The following CD82 variants were observed in gnomAD, a reference collection of about 807,000 sequenced individuals.
CD82 encodes CD82 molecule.
Under a neutral mutation model 37.4 loss-of-function variants are expected in CD82, and 36 were observed. That is an observed-to-expected ratio of 0.96 (90% CI 0.74 to 1.27). The LOEUF is 1.27. Ranked by LOEUF, CD82 falls within the 50% of genes most tolerant of loss-of-function variation. The probability of loss-of-function intolerance (pLI) is 0.00; values close to 1 mark genes in which losing one functional copy is unlikely to be tolerated. For missense variants in CD82, 340 were observed against 347.0 expected (o/e 0.98, Z 0.16); for synonymous variants, 158 against 137.4 (o/e 1.15, Z -1.05).
chr11:44,582,226 C>T (rs768243008), intron 1 of CD82, among the ~76,000 whole-genome samples: 1 of 152,166 alleles, frequency 6.6e-6, no homozygotes, highest in African/African-American at 2.4e-5. Flanking sequence ...AGTGAAGCAA[C>T]ACTCCCATTG....
rs573677852 is a variant in CD82 at position 44,593,290 on chromosome 11, T to C, written c.-20-1353T>C. Among the ~76,000 whole-genome samples the C allele has an allele frequency of 1.4e-4, 22 of 152,378 alleles. No homozygotes were observed. In the South Asian group the frequency reaches 1.7e-3, roughly 11 times the overall value. ...CCGGCTTTCCTTTCCCTTTGCTCTG[T>C]GGCCTGCCCTTCCCCCTCCATAAGG... On this transcript the variant is annotated intron_variant, in intron 2 of 9. Coordinates refer to ENST00000227155, the MANE Select transcript of CD82 (RefSeq NM_002231.4).
chr11:44,588,699 A>G (rs1055366248), intron 2 of CD82, among the ~76,000 whole-genome samples: 2 of 152,034 alleles, frequency 1.3e-5, no homozygotes, highest in Admixed American at 6.6e-5. Flanking sequence ...CACTGGAAGG[A>G]AGGAGAGAGG....
intron 1 of CD82, among the ~76,000 whole-genome samples, chr11:44,570,056 G>A (rs1852792534): frequency 6.6e-6 from 1 of 152,226 alleles, no homozygotes; most frequent in Admixed American, 6.5e-5. Context: ...CAGGCCCCCA[G>A]GGACACTCCC....
chr11:44,595,908 CAAAAAAAAAA>C (rs71449886), intron 3 of CD82, among the ~76,000 whole-genome samples: 3 of 69,686 alleles, frequency 4.3e-5, no homozygotes, highest in Non-Finnish European at 8.1e-5. Flanking sequence ...TGTTTCTCTA[CAAAAAAAAAA>C]AAAAAAAAAA....
At chr11:44,591,316 T>A (rs1490954635) in intron 2 of CD82, among the ~76,000 whole-genome samples, 1 of 152,190 alleles carries the variant, frequency 6.6e-6, no homozygotes, top group Non-Finnish European at 1.5e-5. Context: ...TCTGTGCCTC[T>A]GTTTGCATGT....
chr11:44,564,603 AAT>A, upstream of CD82: 2 of 415,478 alleles, frequency 4.8e-6, no homozygotes, highest in South Asian at 3.3e-5. Context: ...AGCCCACCTC[AAT>A]TTTGGGCCAC....
At chr11:44,609,306 T>A (rs1392138117) in intron 6 of CD82, among the ~76,000 whole-genome samples, 2 of 151,770 alleles carry the variant, frequency 1.3e-5, no homozygotes, top group East Asian at 1.9e-4. Context: ...CTCTAGAGAG[T>A]GGAGGTGGGA....
chr11:44,596,175 G>A (rs1285329787), intron 3 of CD82, among the ~76,000 whole-genome samples: 5 of 152,206 alleles, frequency 3.3e-5, no homozygotes, highest in Admixed American at 2.0e-4. Flanking sequence ...ACCCCAGGCC[G>A]GGCTTGGGCT....
At chr11:44,599,658 G>A (rs1853278010) in intron 3 of CD82, among the ~76,000 whole-genome samples, 1 of 152,258 alleles carries the variant, frequency 6.6e-6, no homozygotes, top group African/African-American at 2.4e-5. Context: ...AGTGGTTGCT[G>A]CAGAATGGGG....
rs1853201123 is a variant in CD82 at position 44,594,982 on chromosome 11, G to A, written c.63+257G>A. 6 of 529,866 alleles carry A rather than the reference G, an allele frequency of 1.1e-5. 1 individual carries two copies. The South Asian group carries it at 1.2e-4, about 11-fold the overall frequency. The allele number at this position is 529,866 out of a possible 1,614,324, so 32.8% of individuals were successfully genotyped here. A position where few individuals can be genotyped will look rare whatever the true frequency, so the allele number is the denominator to read the frequency against. On this transcript the variant is annotated intron_variant, in intron 3 of 9. Transcript: ENST00000227155. ...TCCTAGATCACCCAAAGCCTGGGCT[G>A]GCGGTGGGTATGGGGAAGGAGAGGA...
intron 2 of CD82, among the ~76,000 whole-genome samples, chr11:44,592,684 A>C (rs1218479732): frequency 3.3e-5 from 5 of 152,156 alleles, no homozygotes; most frequent in African/African-American, 1.2e-4. Context: ...TGGGCATTGA[A>C]GATCTCTGGC....
intron 3 of CD82, among the ~76,000 whole-genome samples, chr11:44,595,970 GCA>G (rs1271568484): frequency 2.7e-5 from 4 of 149,582 alleles, no homozygotes. Flanking sequence ...TTAACCCAAT[GCA>G]CAGACATGTA....
chr11:44,600,457 G>A (rs1020660711), intron 4 of CD82, among the ~76,000 whole-genome samples: 5 of 152,208 alleles, frequency 3.3e-5, no homozygotes, highest in Non-Finnish European at 7.4e-5. Context: ...TGTTGTCTGG[G>A]GGAACACTGG....
At chr11:44,579,378 G>T (rs1030465050) in intron 1 of CD82, among the ~76,000 whole-genome samples, 5 of 151,924 alleles carry the variant, frequency 3.3e-5, no homozygotes, top group Admixed American at 6.5e-5. Context: ...GGGTGGGTGT[G>T]GGATCCTCCT....
rs34301171 is a variant in CD82 at position 44,612,623 on chromosome 11, A to ATTTTTTTTT, written c.337-2630_337-2622dup. On this transcript the variant is annotated intron_variant, in intron 6 of 9. Coordinates refer to ENST00000227155, the MANE Select transcript of CD82 (RefSeq NM_002231.4). Reference sequence around the variant, plus strand: ...ATCAGAGGCTGGTTTCCCAGCATTAATTTTTTTTTTTTTTTTTTTTTTTTT... The same window carrying ATTTTTTTTT: ...ATCAGAGGCTGGTTTCCCAGCATTAATTTTTTTTTTTTTTTTTTTTTTTTTTTTTTTTTT... Among the ~76,000 whole-genome samples, 182 of 63,074 alleles carry ATTTTTTTTT rather than the reference A, an allele frequency of 2.9e-3. 36 individuals carry two copies. The highest frequency in any genetic ancestry group is 0.01 in the African/African-American group (148 of 14,234). 41.4% of individuals were successfully genotyped at this position (63,074 alleles called of 152,430 possible). A position where few individuals can be genotyped will look rare whatever the true frequency, so the allele number is the denominator to read the frequency against.
At chr11:44,618,058 G>A in intron 7 of CD82, 104 bp from the exon 8 acceptor site, 3 of 922,328 alleles carry the variant, frequency 3.3e-6, no homozygotes, top group Non-Finnish European at 5.1e-6. Flanking sequence ...GCCTGGAAGT[G>A]GCATATCTCA....
At chr11:44,567,000 A>G (rs1346145060) in intron 1 of CD82, among the ~76,000 whole-genome samples, 1 of 152,186 alleles carries the variant, frequency 6.6e-6, no homozygotes, top group Non-Finnish European at 1.5e-5. Flanking sequence ...CTGAGCACCT[A>G]CTATATGCTA....
Position 44,597,886 on chromosome 11 carries a change from GC to G in CD82, c.64-2267del, listed in dbSNP as rs1853251604. Among the ~76,000 whole-genome samples, 1 of 152,136 alleles carries G rather than the reference GC, an allele frequency of 6.6e-6. No homozygotes were observed. The highest frequency in any genetic ancestry group is 2.4e-5 in the African/African-American group (1 of 41,432). Reference sequence around the variant, plus strand: ...GAACCAAACTCCCAGGTCCTGGAAAGCCCCCATTTCCCCCAGCTGTGCAAAT... The same window carrying G: ...GAACCAAACTCCCAGGTCCTGGAAAGCCCCATTTCCCCCAGCTGTGCAAAT... On this transcript the variant is annotated intron_variant, in intron 3 of 9. Transcript: ENST00000227155. The surrounding 1 kb of genome is among the most constrained non-coding windows in gnomAD (Gnocchi z 4.1).
chr11:44,603,643 C>A (rs1404768662), intron 4 of CD82, among the ~76,000 whole-genome samples: 1 of 152,228 alleles, frequency 6.6e-6, no homozygotes, highest in Non-Finnish European at 1.5e-5. Flanking sequence ...CACCCTCGCC[C>A]TCCAGGTGCG....
Sources: allele counts gnomAD v4.1 joint callset (sites outside exome capture counted in the v4.1 genomes callset), GRCh38; gene constraint gnomAD v4.1.1; non-coding constraint Gnocchi (gnomAD v3.1); transcripts MANE v1.5; gene names NCBI Gene and HGNC (gene_info 2026-07-23, HGNC 2026-07-21).